The following KIF4A variants were observed in gnomAD, a reference collection of about 807,000 sequenced individuals.
The protein encoded by KIF4A is kinesin family member 4A, also known as chromosome-associated kinesin KIF4A.
Under a neutral mutation model 105.9 loss-of-function variants are expected in KIF4A, and 7 were observed. The observed-to-expected ratio is 0.07, with a 90% confidence interval of 0.04 to 0.12. The LOEUF is 0.12. KIF4A is among the 10% of genes least tolerant of loss of function. The pLI, the probability that KIF4A is intolerant of heterozygous loss-of-function variation, is 1.00. For missense variants in KIF4A, 558 were observed against 929.2 expected (o/e 0.60, Z 5.19); for synonymous variants, 281 against 331.3 (o/e 0.85, Z 1.65).
chrX:70,418,122 T>G, intron 29 of KIF4A, 118 bp downstream of exon 29: 1 of 528,017 alleles, frequency 1.9e-6, no homozygotes, highest in East Asian at 3.4e-5. Flanking sequence ...CCAACCCTTC[T>G]CCTTCCCTCT....
intron 3 of KIF4A, among the ~76,000 whole-genome samples, chrX:70,291,734 C>T (rs2085761876): frequency 8.9e-6 from 1 of 111,743 alleles, no homozygotes; most frequent in Admixed American, 9.5e-5. Context: ...AAGAAAAATG[C>T]GTTCTAACAA....
chrX:70,307,786 TTTTG>T (rs377263740), intron 7 of KIF4A, among the ~76,000 whole-genome samples: 8 of 112,197 alleles, frequency 7.1e-5, no homozygotes, highest in African/African-American at 2.3e-4. Context: ...TCTCACTTGT[TTTTG>T]TTTGTTTAGT....
intron 5 of KIF4A, among the ~76,000 whole-genome samples, 166 bp downstream of exon 5, chrX:70,299,368 C>T (rs1458028825): frequency 9.1e-6 from 1 of 110,439 alleles, no homozygotes; most frequent in Non-Finnish European, 1.9e-5. Context: ...TAGGTGGGAG[C>T]TCTTGTGGGG....
At chrX:70,344,975 T>C (rs1354317943) in intron 13 of KIF4A, among the ~76,000 whole-genome samples, 3 of 112,078 alleles carry the variant, frequency 2.7e-5, no homozygotes, top group Non-Finnish European at 5.6e-5. Flanking sequence ...TAAGGAGTAC[T>C]GTAAAGCTAT....
At chrX:70,403,740 G>T in intron 23 of KIF4A, 124 bp from the exon 24 acceptor site, 1 of 549,715 alleles carries the variant, frequency 1.8e-6, no homozygotes, top group South Asian at 3.3e-5. Context: ...AATAAGAATA[G>T]ACTTGAACAT....
Position 70,395,704 on chromosome X carries a change from A to T in KIF4A, c.2266A>T (p.Ser756Cys). 8.3e-7 allele frequency: 1 copy of T among 1,211,748 alleles called. No individual in the cohort carries two copies. The highest frequency in any genetic ancestry group is 1.1e-6 in the Non-Finnish European group (1 of 895,531). ...WLGNEIEVMVSTEEAKRHLND... is the reference protein window; with the variant it reads ...WLGNEIEVMVCTEEAKRHLND... ...TGGAAACGAAATTGAGGTTATGGTC[A>T]GTACTGAGGAAGCCAAACGCCATCT... Residue 756 changes from serine (S) to cysteine (C), a missense_variant, in exon 21 of 31, where the codon AGT (serine) becomes TGT (cysteine). Around this residue, in one of 2 missense-constraint regions of KIF4A, gnomAD observed 469 missense variants for 680.4 expected, o/e 0.69. Transcript: ENST00000374403.
intron 13 of KIF4A, among the ~76,000 whole-genome samples, chrX:70,349,077 C>T (rs1272304012): frequency 1.0e-5 from 1 of 100,316 alleles, no homozygotes; most frequent in Non-Finnish European, 2.0e-5. Flanking sequence ...CCTCACCTCC[C>T]AGAGGGGGCG....
At chrX:70,349,541 A>AGAGGCACTCCTCAGTTCCCAGACGGGGCG in intron 13 of KIF4A, among the ~76,000 whole-genome samples, 1 of 82,620 alleles carries the variant, frequency 1.2e-5, no homozygotes, top group Non-Finnish European at 2.3e-5. Context: ...CAGACCGGGC[A>AGAGGCACTCCTCAGTTCCCAGACGGGGCG]GCCGGGCAGA....
chrX:70,329,318 CTTTA>C (rs1321664866), intron 7 of KIF4A, 83 bp from the exon 8 acceptor site: 1 of 848,496 alleles, frequency 1.2e-6, no homozygotes, highest in African/African-American at 2.0e-5. Context: ...TTTATGGGGT[CTTTA>C]TTTCTTTTCT....
intron 18 of KIF4A, among the ~76,000 whole-genome samples, chrX:70,376,490 G>A (rs28662245): frequency 0.019 from 1,864 of 97,435 alleles, 37 homozygotes; most frequent in African/African-American, 0.066. Flanking sequence ...TCAAATACAA[G>A]GAAGAAAGAG....
rs187795387 is a variant in KIF4A, at chrX:70,409,750, T to C, written c.3255+2675T>C. 1.8e-3 allele frequency among the ~76,000 whole-genome samples: 175 copies of C among 97,190 alleles called. 1 individual carries two copies. The highest frequency in any genetic ancestry group is 6.3e-3 in the Middle Eastern group (1 of 158). 84.4% of individuals were successfully genotyped at this position (97,190 alleles called of 115,157 possible). A position where few individuals can be genotyped will look rare whatever the true frequency, so the allele number is the denominator to read the frequency against. On this transcript the variant is annotated intron_variant, in intron 28 of 30. Transcript: ENST00000374403. ...AGGTGGAGATGGCAGTAAGCTGAGATCACACCACTGTACTCTAGCCTGGGA... is the reference window on the plus strand; with the variant it reads ...AGGTGGAGATGGCAGTAAGCTGAGACCACACCACTGTACTCTAGCCTGGGA...
intron 10 of KIF4A, among the ~76,000 whole-genome samples, chrX:70,338,908 AC>A (rs1343397528): frequency 9.1e-6 from 1 of 109,853 alleles, no homozygotes; most frequent in Non-Finnish European, 1.9e-5. Context: ...ACACGGTGAA[AC>A]CTCGTCTCTA....
chrX:70,307,894 G>A (rs1463846521), intron 7 of KIF4A, among the ~76,000 whole-genome samples: 2 of 111,662 alleles, frequency 1.8e-5, no homozygotes, highest in Non-Finnish European at 3.8e-5. Flanking sequence ...TTGATGACTG[G>A]TCTCAGTTAC....
chrX:70,366,149 A>G (rs1311475320), intron 15 of KIF4A, among the ~76,000 whole-genome samples: 3 of 110,452 alleles, frequency 2.7e-5, no homozygotes, highest in Non-Finnish European at 5.7e-5. Flanking sequence ...TTTCTTCTTT[A>G]TTAGTCTTGC....
At chrX:70,365,246 T>G (rs997688843) in intron 15 of KIF4A, among the ~76,000 whole-genome samples, 1 of 111,729 alleles carries the variant, frequency 9.0e-6, no homozygotes, top group African/African-American at 3.3e-5. Flanking sequence ...CCTTCTCCTG[T>G]CTGATTTCCC....
chrX:70,366,455 G>A (rs2086103885), intron 15 of KIF4A, among the ~76,000 whole-genome samples: 1 of 111,815 alleles, frequency 8.9e-6, no homozygotes, highest in Admixed American at 9.5e-5. Flanking sequence ...TTGTGTCTTT[G>A]TTCTCATTGG....
intron 7 of KIF4A, among the ~76,000 whole-genome samples, chrX:70,322,403 C>G (rs1244820010): frequency 1.8e-5 from 2 of 109,473 alleles, no homozygotes; most frequent in Non-Finnish European, 3.8e-5. Context: ...GCTCTGCCTC[C>G]CGGGTTCACA....
At chrX:70,308,151 C>T (rs1043710983) in intron 7 of KIF4A, among the ~76,000 whole-genome samples, 1 of 111,653 alleles carries the variant, frequency 9.0e-6, no homozygotes, top group Non-Finnish European at 1.9e-5. Context: ...CTTTTTAATC[C>T]CCACTCCCTC....
intron 7 of KIF4A, among the ~76,000 whole-genome samples, chrX:70,310,618 G>A (rs1004468784): frequency 2.7e-5 from 3 of 111,314 alleles, no homozygotes; most frequent in African/African-American, 9.8e-5. Context: ...AAGAGGGCAA[G>A]CGTATGTTTA....
Sources: gnomAD v4.1 joint callset for allele counts (sites outside exome capture counted in the v4.1 genomes callset) on GRCh38, gnomAD v4.1.1 for gene constraint, gnomAD v4.1.1 regional missense constraint, MANE v1.5 for transcripts, NCBI Gene and HGNC (gene_info 2026-07-23, HGNC 2026-07-21) for gene names.